Variants in PTPRD observed in about 807,000 individuals in gnomAD.
The protein encoded by PTPRD is protein tyrosine phosphatase receptor type D, also known as receptor-type tyrosine-protein phosphatase delta.
PTPRD carries 34 observed loss-of-function variants against 214.5 expected under a neutral mutation model. The ratio of observed to expected loss-of-function variants is 0.16; its 90% CI spans 0.12 to 0.21. The LOEUF (loss-of-function observed/expected upper bound fraction) is 0.21, where lower values mean the gene tolerates loss of function less well. Ranked by LOEUF, PTPRD falls within the 10% of genes least tolerant of loss-of-function variation. PTPRD has a pLI of 1.00. For missense variants in PTPRD, 2,545 were observed against 2,398.7 expected (o/e 1.06, Z -1.27); for synonymous variants, 1,128 against 845.7 (o/e 1.33, Z -5.79).
chr9:8,624,409 G>A (rs964709377), intron 14 of PTPRD, among the ~76,000 whole-genome samples: 3 of 151,760 alleles, frequency 2.0e-5, no homozygotes, highest in African/African-American at 7.2e-5. Context: ...TTATTTTTCA[G>A]AGTTCTTCAC....
chr9:9,777,017 T>C (rs1000384447), intron 5 of PTPRD, among the ~76,000 whole-genome samples: 5 of 152,176 alleles, frequency 3.3e-5, no homozygotes, highest in Non-Finnish European at 4.4e-5. Flanking sequence ...GTGAGGACAG[T>C]CTGGGTACCA....
intron 10 of PTPRD, among the ~76,000 whole-genome samples, chr9:9,173,650 T>C (rs776142353): frequency 6.6e-6 from 1 of 152,170 alleles, no homozygotes; most frequent in Non-Finnish European, 1.5e-5. Flanking sequence ...TGTGTGTATC[T>C]AGACATATCT....
chr9:9,421,907 T>C (rs1042151480), intron 8 of PTPRD, among the ~76,000 whole-genome samples: 1 of 151,514 alleles, frequency 6.6e-6, no homozygotes, highest in African/African-American at 2.4e-5. Context: ...CTGATCCAGA[T>C]TGATGGAAAA....
intron 3 of PTPRD, among the ~76,000 whole-genome samples, chr9:10,136,163 T>C (rs1307755913): frequency 6.6e-6 from 1 of 151,732 alleles, no homozygotes; most frequent in Admixed American, 6.6e-5. Context: ...CAATAAAATA[T>C]TCAATTCAAC....
intron 4 of PTPRD, among the ~76,000 whole-genome samples, chr9:9,973,663 G>A (rs1195869126): frequency 6.6e-6 from 1 of 152,112 alleles, no homozygotes; most frequent in Non-Finnish European, 1.5e-5. Flanking sequence ...ACAGATAGAC[G>A]AGTCTAAAGT....
rs544974292 is a variant in PTPRD at position 10,586,565 on chromosome 9, C to T, written c.-600+25833G>A. On this transcript the variant is annotated intron_variant, in intron 2 of 45. Coordinates refer to ENST00000381196, the MANE Select transcript of PTPRD (RefSeq NM_002839.4). ...TAGTCATGAGGGAAATAAATGACAA[C>T]GATAGTAAGAATCTAAAAAGAATGA... 6.6e-4 allele frequency among the ~76,000 whole-genome samples: 100 copies of T among 152,070 alleles called. 1 individual carries two copies. In the South Asian group the frequency reaches 0.018, roughly 27 times the overall value.
intron 11 of PTPRD, among the ~76,000 whole-genome samples, chr9:8,983,170 T>C (rs2099322206): frequency 6.6e-6 from 1 of 152,066 alleles, no homozygotes; most frequent in South Asian, 2.1e-4. Context: ...ATATTGTGAT[T>C]AGCAATAATT....
At chr9:10,210,375 A>G (rs534503718) in intron 3 of PTPRD, among the ~76,000 whole-genome samples, 1 of 152,296 alleles carries the variant, frequency 6.6e-6, no homozygotes, top group African/African-American at 2.4e-5. Flanking sequence ...AGGCATTTTC[A>G]TAGGTATCCA....
intron 11 of PTPRD, among the ~76,000 whole-genome samples, chr9:8,816,663 C>T (rs1319519861): frequency 1.3e-5 from 2 of 152,064 alleles, no homozygotes; most frequent in Non-Finnish European, 2.9e-5. Context: ...CATTTGTTAC[C>T]CTGTTAGAGA....
chr9:8,915,835 G>T (rs1409459246), intron 11 of PTPRD, among the ~76,000 whole-genome samples: 1 of 152,164 alleles, frequency 6.6e-6, no homozygotes, highest in African/African-American at 2.4e-5. Flanking sequence ...TCAAATGTTA[G>T]CTTCATCTAA....
intron 7 of PTPRD, among the ~76,000 whole-genome samples, chr9:9,604,256 C>G (rs1197807967): frequency 6.6e-6 from 1 of 152,064 alleles, no homozygotes; most frequent in South Asian, 2.1e-4. Context: ...TCTGTTCACA[C>G]ATTTAAATGT....
intron 11 of PTPRD, among the ~76,000 whole-genome samples, chr9:8,815,107 AG>A (rs747197043): frequency 9.4e-5 from 13 of 138,898 alleles, no homozygotes; most frequent in Non-Finnish European, 1.5e-4. Context: ...TATATAATTT[AG>A]TTTTTTTTTT....
At chr9:8,430,553 AG>A (rs1318569535) in intron 35 of PTPRD, among the ~76,000 whole-genome samples, 1 of 152,064 alleles carries the variant, frequency 6.6e-6, no homozygotes, top group Non-Finnish European at 1.5e-5. Flanking sequence ...CTGGGATTAC[AG>A]GTGTGAGCCA....
At chr9:10,183,178 T>A (rs1255626584) in intron 3 of PTPRD, among the ~76,000 whole-genome samples, 1 of 152,186 alleles carries the variant, frequency 6.6e-6, no homozygotes, top group Non-Finnish European at 1.5e-5. Flanking sequence ...GTTTGCCATT[T>A]TTTTAAAGAA....
chr9:9,706,560 C>T (rs979545754), intron 7 of PTPRD, among the ~76,000 whole-genome samples: 2 of 152,056 alleles, frequency 1.3e-5, no homozygotes, highest in Non-Finnish European at 2.9e-5. Flanking sequence ...CTGCTTCAGC[C>T]TCCCGAGTAG....
intron 37 of PTPRD, among the ~76,000 whole-genome samples, chr9:8,386,571 C>T (rs1157972981): frequency 6.6e-6 from 1 of 152,118 alleles, no homozygotes; most frequent in Non-Finnish European, 1.5e-5. Context: ...AAGACTGGTG[C>T]CACTTCCCTT....
At chr9:9,804,017 C>T (rs1379270511) in intron 5 of PTPRD, among the ~76,000 whole-genome samples, 1 of 151,998 alleles carries the variant, frequency 6.6e-6, no homozygotes, top group Non-Finnish European at 1.5e-5. Flanking sequence ...TGCTTCATTC[C>T]AATGTTAAAA....
chr9:9,409,789 T>C (rs1294823648), intron 8 of PTPRD, among the ~76,000 whole-genome samples: 1 of 152,138 alleles, frequency 6.6e-6, no homozygotes, highest in Non-Finnish European at 1.5e-5. Flanking sequence ...TATGTCAGTA[T>C]CTCAATGATT....
chr9:10,484,082 C>T (rs1445584005), intron 2 of PTPRD, among the ~76,000 whole-genome samples: 1 of 152,046 alleles, frequency 6.6e-6, no homozygotes, highest in Non-Finnish European at 1.5e-5. Flanking sequence ...CATACACACA[C>T]ACAGACACAC....
Sources: gnomAD v4.1 joint callset for allele counts (sites outside exome capture counted in the v4.1 genomes callset) on GRCh38, gnomAD v4.1.1 for gene constraint, MANE v1.5 for transcripts, NCBI Gene and HGNC (gene_info 2026-07-23, HGNC 2026-07-21) for gene names.